GALNTL6: variants seen among roughly 807,000 people sequenced by gnomAD.
GALNTL6 encodes polypeptide N-acetylgalactosaminyltransferase like 6, also known as polypeptide N-acetylgalactosaminyltransferase-like 6.
Under a neutral mutation model 73.7 loss-of-function variants are expected in GALNTL6, and 46 were observed. The observed-to-expected ratio is 0.62, with a 90% CI of 0.49 to 0.80. The LOEUF (loss-of-function observed/expected upper bound fraction) is 0.80. GALNTL6 is among the 30% of genes least tolerant of loss of function. GALNTL6 has a pLI of 0.00. For synonymous variants in GALNTL6, 259 were observed against 263.7 expected (o/e 0.98, Z 0.17); for missense variants, 604 against 755.0 (o/e 0.80, Z 2.34).
chr4:172,778,163 G>T (rs1051595608), intron 5 of GALNTL6, among the ~76,000 whole-genome samples: 1 of 152,244 alleles, frequency 6.6e-6, no homozygotes, highest in African/African-American at 2.4e-5. Flanking sequence ...TTGAATGCAG[G>T]ATTGATTGTT....
chr4:171,862,209 A>G (rs1283019890), intron 2 of GALNTL6, among the ~76,000 whole-genome samples: 1 of 152,152 alleles, frequency 6.6e-6, no homozygotes, highest in Non-Finnish European at 1.5e-5. Flanking sequence ...TTGAGAGATA[A>G]TTTTTGAAAT....
intron 5 of GALNTL6, among the ~76,000 whole-genome samples, chr4:172,352,496 G>A (rs903176871): frequency 3.9e-5 from 6 of 152,112 alleles, no homozygotes; most frequent in African/African-American, 1.2e-4. Context: ...CTATAACAAG[G>A]CTTCATGGTG....
At chr4:172,338,320 C>A (rs1741416794) in intron 4 of GALNTL6, among the ~76,000 whole-genome samples, 1 of 151,972 alleles carries the variant, frequency 6.6e-6, no homozygotes, top group East Asian at 1.9e-4. Context: ...CATGCTGTCA[C>A]AATGTTCAGA....
intron 5 of GALNTL6, among the ~76,000 whole-genome samples, chr4:172,748,305 A>G (rs1009731707): frequency 1.3e-5 from 2 of 152,044 alleles, no homozygotes; most frequent in Admixed American, 6.6e-5. Flanking sequence ...ACTCACACAC[A>G]CACCCACACT....
chr4:172,710,577 C>G (rs373209376), intron 5 of GALNTL6, among the ~76,000 whole-genome samples: 1 of 150,792 alleles, frequency 6.6e-6, no homozygotes, highest in African/African-American at 2.4e-5. Context: ...TTAAAATTAT[C>G]CAACTATGTC....
chr4:172,135,098 G>GA (rs1733602418), intron 2 of GALNTL6, among the ~76,000 whole-genome samples: 1 of 152,100 alleles, frequency 6.6e-6, no homozygotes, highest in Non-Finnish European at 1.5e-5. Flanking sequence ...AGTCATCTAA[G>GA]TGCCAGCTTT....
At chr4:172,186,914 T>C (rs1376141945) in intron 2 of GALNTL6, among the ~76,000 whole-genome samples, 3 of 152,148 alleles carry the variant, frequency 2.0e-5, no homozygotes, top group African/African-American at 7.2e-5. Context: ...TTAAAATGGT[T>C]ACGTTACATG....
At chr4:172,704,190 A>G (rs1171986613) in intron 5 of GALNTL6, among the ~76,000 whole-genome samples, 1 of 151,562 alleles carries the variant, frequency 6.6e-6, no homozygotes, top group Non-Finnish European at 1.5e-5. Context: ...TCTCAATTTT[A>G]TTTATTTCTG....
At chr4:172,446,964 G>A (rs1255722269) in intron 5 of GALNTL6, among the ~76,000 whole-genome samples, 1 of 152,088 alleles carries the variant, frequency 6.6e-6, no homozygotes, top group Non-Finnish European at 1.5e-5. Flanking sequence ...GTGTGAAGTG[G>A]CATTTTCTAA....
intron 5 of GALNTL6, among the ~76,000 whole-genome samples, chr4:172,607,701 C>T (rs1279653204): frequency 6.6e-6 from 1 of 152,222 alleles, no homozygotes; most frequent in Non-Finnish European, 1.5e-5. Context: ...AACTAATTTA[C>T]ATTCCCACCA....
chr4:172,135,689 T>C (rs1010308309), intron 2 of GALNTL6, among the ~76,000 whole-genome samples: 13 of 152,234 alleles, frequency 8.5e-5, no homozygotes, highest in African/African-American at 3.1e-4. Context: ...CATAAGATTT[T>C]TCAAATCACT....
At chr4:171,981,659 T>A (rs1404834075) in intron 2 of GALNTL6, among the ~76,000 whole-genome samples, 1 of 152,188 alleles carries the variant, frequency 6.6e-6, no homozygotes, top group East Asian at 1.9e-4. Context: ...AAATTAAGCA[T>A]TATCACTTCT....
At chr4:172,055,494 G>A (rs1219088090) in intron 2 of GALNTL6, among the ~76,000 whole-genome samples, 1 of 152,086 alleles carries the variant, frequency 6.6e-6, no homozygotes, top group Non-Finnish European at 1.5e-5. Flanking sequence ...AGGGCTCTTT[G>A]GTAAAAATTA....
chr4:172,516,204 A>T (rs1734602273), intron 5 of GALNTL6, among the ~76,000 whole-genome samples: 1 of 152,166 alleles, frequency 6.6e-6, no homozygotes, highest in African/African-American at 2.4e-5. Context: ...CAGCACTCAA[A>T]TTACCTAGCA....
intron 5 of GALNTL6, among the ~76,000 whole-genome samples, chr4:172,455,440 G>C (rs1287591904): frequency 1.3e-5 from 2 of 152,142 alleles, no homozygotes; most frequent in African/African-American, 4.8e-5. Context: ...ATGGAGCCCA[G>C]CAAGCTAAGA....
At chr4:172,599,053 G>A (rs1438474996) in intron 5 of GALNTL6, among the ~76,000 whole-genome samples, 37 of 152,136 alleles carry the variant, frequency 2.4e-4, no homozygotes, top group Admixed American at 2.4e-3. Flanking sequence ...GTCAGCTGCA[G>A]TACATTCCTA....
intron 5 of GALNTL6, among the ~76,000 whole-genome samples, chr4:172,513,597 G>A (rs1734501692): frequency 6.6e-6 from 1 of 152,124 alleles, no homozygotes; most frequent in Non-Finnish European, 1.5e-5. Context: ...AGATTCTTTT[G>A]TCCCACAGGG....
chr4:171,927,669 G>T (rs1291175296), intron 2 of GALNTL6, among the ~76,000 whole-genome samples: 1 of 151,864 alleles, frequency 6.6e-6, no homozygotes, highest in East Asian at 1.9e-4. Context: ...AGCCACATGG[G>T]TCTTCTTGGT....
intron 2 of GALNTL6, among the ~76,000 whole-genome samples, chr4:172,001,143 A>T (rs1026827921): frequency 6.6e-6 from 1 of 152,210 alleles, no homozygotes; most frequent in African/African-American, 2.4e-5. Context: ...TTCGCAACAA[A>T]AGAGAGTTGA....
Sources: allele counts gnomAD v4.1 joint callset (sites outside exome capture counted in the v4.1 genomes callset), GRCh38; gene constraint gnomAD v4.1.1; transcripts MANE v1.5; gene names NCBI Gene and HGNC (gene_info 2026-07-23, HGNC 2026-07-21).